MYO10: variants seen among roughly 807,000 people sequenced by gnomAD.
The protein encoded by MYO10 is myosin X.
A neutral mutation model predicts 257.3 loss-of-function variants in MYO10; 133 were observed. The ratio of observed to expected loss-of-function variants is 0.52; its 90% confidence interval spans 0.45 to 0.60. The LOEUF is 0.60. MYO10 is among the 20% of genes least tolerant of loss of function. MYO10 has a pLI of 0.00. For missense variants in MYO10, 2,399 were observed against 2,635.7 expected, an observed-to-expected ratio of 0.91 and a Z score of 1.97; for synonymous variants, 1,104 against 1,028.6, an observed-to-expected ratio of 1.07 and a Z score of -1.40.
intron 19 of MYO10, among the ~76,000 whole-genome samples, chr5:16,727,245 T>C (rs959826497): frequency 3.9e-5 from 6 of 152,310 alleles, no homozygotes; most frequent in Admixed American, 2.0e-4. Flanking sequence ...AAATTAGACA[T>C]GGTGCTCACA....
chr5:16,666,829 A>G, intron 40 of MYO10, 36 bp from the exon 41 acceptor site: 1 of 1,527,368 alleles, frequency 6.5e-7, no homozygotes, highest in Non-Finnish European at 8.9e-7. Context: ...ACAGCGTCAC[A>G]AGTCTCCCCC....
chr5:16,880,922 G>T (rs141672187), intron 1 of MYO10, among the ~76,000 whole-genome samples: 2,674 of 152,100 alleles, frequency 0.018, 42 homozygotes, highest in Middle Eastern at 0.037. Flanking sequence ...GACTTTTTTC[G>T]GCCTCTCTTT....
intron 19 of MYO10, among the ~76,000 whole-genome samples, chr5:16,717,546 G>T (rs1738924755): frequency 6.6e-6 from 1 of 152,206 alleles, no homozygotes; most frequent in Non-Finnish European, 1.5e-5. Flanking sequence ...TTGCTACATT[G>T]TGAGTTCAGC....
rs747457658 is a variant in MYO10, at chr5:16,673,838, A to G, written c.5016T>C (p.Thr1672=). The G allele has an allele frequency of 2.1e-4, 337 of 1,613,838 alleles. 1 individual carries two copies. The highest frequency in any genetic ancestry group is 2.7e-4 in the Non-Finnish European group (316 of 1,179,898). The change falls in exon 36 of 41, where the codon ACT becomes ACC. Residue 1672 remains threonine (T), a synonymous_variant. Coordinates refer to ENST00000513610, the MANE Select transcript of MYO10 (RefSeq NM_012334.3). ...ATTTGGTTTTCTTAAGAGATTCGTA[A>G]GTGAAGAGAGCGTATTTTTCCATCT... The part of the protein sequence containing the change: ...GSEMEKYALF[T]YESLKKTKCR...
intron 1 of MYO10, among the ~76,000 whole-genome samples, chr5:16,894,769 G>C (rs573560320): frequency 6.6e-6 from 1 of 152,190 alleles, no homozygotes; most frequent in African/African-American, 2.4e-5. Context: ...GATACACAGA[G>C]GACTGGAGCC....
chr5:16,820,029 T>G (rs1742750225), intron 2 of MYO10, among the ~76,000 whole-genome samples: 1 of 152,200 alleles, frequency 6.6e-6, no homozygotes, highest in Non-Finnish European at 1.5e-5. Context: ...CATCTCATGG[T>G]AAGGTGGCCA....
intron 19 of MYO10, among the ~76,000 whole-genome samples, chr5:16,737,130 T>C (rs1373463979): frequency 3.9e-5 from 6 of 152,226 alleles, no homozygotes; most frequent in African/African-American, 1.4e-4. Flanking sequence ...AACATTGGTT[T>C]GCTAGTGAAT....
chr5:16,736,860 A>G (rs900647222), intron 19 of MYO10, among the ~76,000 whole-genome samples: 2 of 152,198 alleles, frequency 1.3e-5, no homozygotes, highest in Non-Finnish European at 2.9e-5. Context: ...TTGGCTCAGC[A>G]AAGGGGATTT....
chr5:16,900,588 G>A (rs553913793), intron 1 of MYO10, among the ~76,000 whole-genome samples: 6 of 152,088 alleles, frequency 3.9e-5, no homozygotes, highest in East Asian at 1.9e-4. Flanking sequence ...CGATCCATCC[G>A]GTGACAATTG....
intron 19 of MYO10, among the ~76,000 whole-genome samples, chr5:16,740,520 A>G (rs1177541463): frequency 6.6e-6 from 1 of 152,094 alleles, no homozygotes; most frequent in East Asian, 1.9e-4. Context: ...GCAGTGGTGG[A>G]AGCTGCAATT....
chr5:16,746,345 C>G (rs1740196166), intron 19 of MYO10, among the ~76,000 whole-genome samples: 1 of 152,122 alleles, frequency 6.6e-6, no homozygotes, highest in Non-Finnish European at 1.5e-5. Flanking sequence ...GTGCTGACCT[C>G]CTATCTCATC....
chr5:16,882,394 C>A (rs1744779596), intron 1 of MYO10, among the ~76,000 whole-genome samples: 1 of 152,032 alleles, frequency 6.6e-6, no homozygotes, highest in Non-Finnish European at 1.5e-5. Flanking sequence ...CATATATGTC[C>A]CAACAATTTA....
chr5:16,864,417 CAT>C (rs1030047859), intron 2 of MYO10, among the ~76,000 whole-genome samples: 10 of 152,292 alleles, frequency 6.6e-5, no homozygotes, highest in African/African-American at 1.2e-4. Context: ...AACACACACA[CAT>C]GATACAGGTG....
chr5:16,733,475 C>A (rs1036857438), intron 19 of MYO10, among the ~76,000 whole-genome samples: 6 of 152,054 alleles, frequency 3.9e-5, no homozygotes, highest in Non-Finnish European at 8.8e-5. Flanking sequence ...GAGAATTTTC[C>A]TTGAAAATTG....
chr5:16,864,612 T>C (rs1331594221), intron 2 of MYO10, among the ~76,000 whole-genome samples: 1 of 152,166 alleles, frequency 6.6e-6, no homozygotes, highest in Admixed American at 6.5e-5. Flanking sequence ...GTGGCCTGCT[T>C]GAGTGAGAGT....
At chr5:16,843,233 C>A (rs183736071) in intron 2 of MYO10, among the ~76,000 whole-genome samples, 124 of 152,294 alleles carry the variant, frequency 8.1e-4, no homozygotes, top group Non-Finnish European at 1.3e-3. Context: ...ATGCTCCACG[C>A]CCCATTCTCC....
chr5:16,767,540 C>T (rs568584853), intron 10 of MYO10, among the ~76,000 whole-genome samples: 10 of 152,112 alleles, frequency 6.6e-5, no homozygotes, highest in Non-Finnish European at 1.0e-4. Flanking sequence ...TGTGACTATC[C>T]TTCCTGTTTT....
At chr5:16,886,246 G>A (rs1744894136) in intron 1 of MYO10, among the ~76,000 whole-genome samples, 1 of 152,204 alleles carries the variant, frequency 6.6e-6, no homozygotes, top group African/African-American at 2.4e-5. Context: ...AAGTAATAAA[G>A]TGAGTCTCAA....
intron 2 of MYO10, among the ~76,000 whole-genome samples, chr5:16,830,919 C>A (rs1430544559): frequency 1.3e-5 from 2 of 151,998 alleles, no homozygotes; most frequent in African/African-American, 4.8e-5. Context: ...GGGAACTGGG[C>A]AGGAGGGTAA....
Sources: allele counts gnomAD v4.1 joint callset (sites outside exome capture counted in the v4.1 genomes callset), GRCh38; gene constraint gnomAD v4.1.1; transcripts MANE v1.5; gene names NCBI Gene and HGNC (gene_info 2026-07-23, HGNC 2026-07-21).